TRABD2B: variants seen among roughly 807,000 people sequenced by gnomAD.
TRABD2B encodes TraB domain containing 2B.
A neutral mutation model predicts 40.1 loss-of-function variants in TRABD2B; 14 were observed. That is an observed-to-expected ratio of 0.35 (90% CI 0.23 to 0.55). TRABD2B has a LOEUF of 0.55. Ranked by LOEUF, TRABD2B falls within the 20% of genes least tolerant of loss-of-function variation. The pLI, the probability that TRABD2B is intolerant of heterozygous loss-of-function variation, is 0.90. For synonymous variants in TRABD2B, 263 were observed against 277.0 expected (o/e 0.95, Z 0.50); for missense variants, 541 against 648.6 (o/e 0.83, Z 1.80).
At chr1:47,819,873 G>A (rs1415914416) in intron 2 of TRABD2B, 1 of 152,128 alleles carries the variant, frequency 6.6e-6, no homozygotes, top group Non-Finnish European at 1.5e-5. Flanking sequence ...AGACACTGGG[G>A]TAAATTCTCA....
At chr1:47,771,895 G>A (rs566474460) in intron 6 of TRABD2B, among the ~76,000 whole-genome samples, 6 of 152,276 alleles carry the variant, frequency 3.9e-5, no homozygotes, top group South Asian at 2.1e-4. Context: ...GGTGGCATCC[G>A]GGACAGGCAC....
At chr1:47,922,664 T>G (rs563499993) in intron 2 of TRABD2B, among the ~76,000 whole-genome samples, 127 of 152,270 alleles carry the variant, frequency 8.3e-4, no homozygotes, top group African/African-American at 3.1e-3. Flanking sequence ...TTTCCTCACC[T>G]CCCAGATCCG....
At chr1:47,866,025 A>C (rs866244757) in intron 2 of TRABD2B, among the ~76,000 whole-genome samples, 84 of 146,120 alleles carry the variant, frequency 5.7e-4, no homozygotes, top group African/African-American at 2.0e-3. Flanking sequence ...GCTCTAGTAG[A>C]GTGCATGAGT....
intron 6 of TRABD2B, among the ~76,000 whole-genome samples, chr1:47,774,735 G>A (rs1557556029): frequency 6.6e-6 from 1 of 152,218 alleles, no homozygotes; most frequent in South Asian, 2.1e-4. Context: ...TTAGAGCACG[G>A]TTCCCTTTGC....
intron 2 of TRABD2B, among the ~76,000 whole-genome samples, chr1:47,823,295 G>A (rs1645134764): frequency 6.6e-6 from 1 of 152,270 alleles, no homozygotes; most frequent in African/African-American, 2.4e-5. Context: ...CTGGTCCTCC[G>A]ATTCCACTTC....
chr1:47,844,638 T>C (rs1282797569), intron 2 of TRABD2B, among the ~76,000 whole-genome samples: 1 of 152,248 alleles, frequency 6.6e-6, no homozygotes, highest in East Asian at 1.9e-4. Context: ...ATGAACTAAA[T>C]TCTTCACAGG....
chr1:47,866,770 C>A (rs1016409137), intron 2 of TRABD2B, among the ~76,000 whole-genome samples: 3 of 152,142 alleles, frequency 2.0e-5, no homozygotes, highest in African/African-American at 7.2e-5. Context: ...CCCTTGGACC[C>A]CTCTCCATCC....
chr1:47,875,656 C>A (rs1329161803), intron 2 of TRABD2B, among the ~76,000 whole-genome samples: 2 of 91,638 alleles, frequency 2.2e-5, no homozygotes, highest in African/African-American at 8.8e-5. Context: ...TACTGCACAA[C>A]AGAGTGAAAC....
At chr1:47,904,964 A>G (rs1644656393) in intron 2 of TRABD2B, among the ~76,000 whole-genome samples, 1 of 152,216 alleles carries the variant, frequency 6.6e-6, no homozygotes, top group Admixed American at 6.5e-5. Flanking sequence ...ACATACTCTG[A>G]TTCTACAGAA....
chr1:47,961,356 AC>A (rs1407467401), intron 2 of TRABD2B, among the ~76,000 whole-genome samples: 3 of 152,244 alleles, frequency 2.0e-5, no homozygotes, highest in African/African-American at 7.2e-5. Context: ...GCCAAAATTG[AC>A]CAATGGGATC....
chr1:47,773,306 C>G (rs749088158), intron 6 of TRABD2B, among the ~76,000 whole-genome samples: 15 of 152,282 alleles, frequency 9.9e-5, no homozygotes, highest in Non-Finnish European at 2.1e-4. Context: ...TATGCCCTCA[C>G]TCCCGATTAG....
At chr1:47,773,147 T>C (rs1360021127) in intron 6 of TRABD2B, among the ~76,000 whole-genome samples, 1 of 152,232 alleles carries the variant, frequency 6.6e-6, no homozygotes, top group Non-Finnish European at 1.5e-5. Context: ...TGGCCAGGTC[T>C]CCTGATTACC....
Position 47,941,911 on chromosome 1 carries a change from G to A in TRABD2B, c.666+52123C>T, listed in dbSNP as rs574358916. ...GTGAGGATTCAATGAATTAACACTT[G>A]TGAAGTTCTTGGAACAATGCCTGGG... On this transcript the variant is annotated intron_variant, in intron 2 of 6. Coordinates refer to ENST00000606738, the MANE Select transcript of TRABD2B (RefSeq NM_001194986.2). Among the ~76,000 whole-genome samples, 27 of 152,356 alleles carry A rather than the reference G, an allele frequency of 1.8e-4. No individual in the cohort carries two copies. In the South Asian group the frequency reaches 5.4e-3, roughly 30 times the overall value.
At chr1:47,966,044 C>A (rs1372241803) in intron 2 of TRABD2B, among the ~76,000 whole-genome samples, 1 of 152,202 alleles carries the variant, frequency 6.6e-6, no homozygotes. Context: ...ACTTGAAGAA[C>A]TGTCTGGCGC....
At chr1:47,978,851 T>A (rs2148438426) in intron 2 of TRABD2B, among the ~76,000 whole-genome samples, 1 of 152,288 alleles carries the variant, frequency 6.6e-6, no homozygotes, top group African/African-American at 2.4e-5. Context: ...GATCACGGAA[T>A]GACCAGCAAA....
chr1:47,939,679 GACTA>G (rs1645160355), intron 2 of TRABD2B, among the ~76,000 whole-genome samples: 1 of 152,142 alleles, frequency 6.6e-6, no homozygotes, highest in Non-Finnish European at 1.5e-5. Context: ...CTAACCACAA[GACTA>G]TTTCAGTGTC....
At chr1:47,914,524 CT>C (rs2124714781) in intron 2 of TRABD2B, among the ~76,000 whole-genome samples, 1 of 152,400 alleles carries the variant, frequency 6.6e-6, no homozygotes, top group East Asian at 1.9e-4. Context: ...GCCAGCTCAT[CT>C]GCCCAGGGGC....
At chr1:47,818,780 G>C (rs1434120266) in intron 2 of TRABD2B, 2 of 152,208 alleles carry the variant, frequency 1.3e-5, no homozygotes, top group Non-Finnish European at 2.9e-5. Context: ...TGGAATGACA[G>C]CAGTTTGAAT....
chr1:47,821,504 G>A (rs1231667260), intron 2 of TRABD2B, among the ~76,000 whole-genome samples: 1 of 152,220 alleles, frequency 6.6e-6, no homozygotes, highest in Non-Finnish European at 1.5e-5. Flanking sequence ...GAACCCGATT[G>A]TTTCTCCAGG....
Sources: gnomAD v4.1 joint callset for allele counts (sites outside exome capture counted in the v4.1 genomes callset) on GRCh38, gnomAD v4.1.1 for gene constraint, MANE v1.5 for transcripts, NCBI Gene and HGNC (gene_info 2026-07-23, HGNC 2026-07-21) for gene names.